LIMCH1: variants seen among roughly 807,000 people sequenced by gnomAD.
The protein encoded by LIMCH1 is LIM and calponin homology domains-containing protein 1.
Under a neutral mutation model 176.5 loss-of-function variants are expected in LIMCH1, and 113 were observed. The observed-to-expected ratio is 0.64, with a 90% CI of 0.55 to 0.75. The LOEUF (loss-of-function observed/expected upper bound fraction) is 0.75, where lower values mean the gene tolerates loss of function less well. Among genes scored for constraint, LIMCH1 ranks in the 30% least tolerant of loss-of-function variants. The pLI is 0.00. For missense variants in LIMCH1, 1,674 were observed against 1,814.9 expected (o/e 0.92, Z 1.41); for synonymous variants, 619 against 645.9 (o/e 0.96, Z 0.63).
chr4:41,400,347 A>C (rs1264750326), intron 1 of LIMCH1, among the ~76,000 whole-genome samples: 1 of 152,182 alleles, frequency 6.6e-6, no homozygotes, highest in Admixed American at 6.5e-5. Context: ...AACTTCCCAA[A>C]AACCATAAAA....
chr4:41,494,502 A>T, intron 1 of LIMCH1: 1 of 1,560,444 alleles, frequency 6.4e-7, no homozygotes, highest in Non-Finnish European at 8.8e-7. Flanking sequence ...AAAAAAGAAA[A>T]ACTTATGTGC....
At chr4:41,597,830 A>T in intron 1 of LIMCH1, among the ~76,000 whole-genome samples, 1 of 152,186 alleles carries the variant, frequency 6.6e-6, no homozygotes. Context: ...ACTTGCACTC[A>T]AGAAGAGGTG....
At chr4:41,515,550 T>C (rs1232420687) in intron 2 of LIMCH1, among the ~76,000 whole-genome samples, 1 of 152,226 alleles carries the variant, frequency 6.6e-6, no homozygotes, top group Admixed American at 6.5e-5. Context: ...ATGAAGTGTA[T>C]ATTGTACACC....
rs928099556 is a variant in LIMCH1, at chr4:41,384,399, G to A, written c.96+23463G>A. On this transcript the variant is annotated intron_variant, in intron 1 of 26. Transcript: ENST00000313860. ...TTTTTTTTTTATTTTTAGTAGAGAC[G>A]GGGTTTCACCGTATTAGCCAGGATG... Among the ~76,000 whole-genome samples the A allele has an allele frequency of 4.6e-5, 7 of 151,766 alleles. No homozygotes were observed. The South Asian group carries it at 1.0e-3, about 23-fold the overall frequency.
Position 41,360,797 on chromosome 4 carries a change from G to GGCC in LIMCH1, c.-42_-40dup, listed in dbSNP as rs1561116399. 7.0e-7 allele frequency: 1 copy of GGCC among 1,436,670 alleles called. No homozygotes were observed. The highest frequency in any genetic ancestry group is 1.3e-5 in the South Asian group (1 of 77,728). 89.0% of individuals were successfully genotyped at this position (1,436,670 alleles called of 1,614,324 possible). A position where few individuals can be genotyped will look rare whatever the true frequency, so the allele number is the denominator to read the frequency against. On this transcript the variant is annotated 5_prime_UTR_variant, in exon 1 of 27. Transcript: ENST00000313860. This position sits in a 1 kb window ranked among gnomAD's most constrained non-coding sequence, Gnocchi z 4.5. Reference sequence around the variant, plus strand: ...GCGCTCCTGCGGCGGCGACGGCGGCGGCCGTCCTCATCCCGGCGCTTGAGA... The same window carrying GGCC: ...GCGCTCCTGCGGCGGCGACGGCGGCGGCCGCCGTCCTCATCCCGGCGCTTGAGA...
chr4:41,590,557 T>C (rs182977082), intron 1 of LIMCH1, among the ~76,000 whole-genome samples: 6 of 152,266 alleles, frequency 3.9e-5, no homozygotes, highest in Non-Finnish European at 5.9e-5. Context: ...AGCAAGACAC[T>C]CAGAGGCCTC....
At chr4:41,556,058 A>C (rs1482867360) in intron 1 of LIMCH1, among the ~76,000 whole-genome samples, 3 of 152,046 alleles carry the variant, frequency 2.0e-5, no homozygotes, top group African/African-American at 7.2e-5. Context: ...AATTTTAAAT[A>C]GAGTGGTTGG....
chr4:41,375,887 T>C (rs2054694386), intron 1 of LIMCH1, among the ~76,000 whole-genome samples: 2 of 152,246 alleles, frequency 1.3e-5, no homozygotes, highest in African/African-American at 2.4e-5. Context: ...TTGCTAATTC[T>C]TGGGCAGATT....
chr4:41,636,440 C>G (rs61591201), intron 13 of LIMCH1, among the ~76,000 whole-genome samples: 4,053 of 151,232 alleles, frequency 0.027, 54 homozygotes, highest in African/African-American at 0.039. Flanking sequence ...TTATCTTCCC[C>G]TTGCCAGCAA....
chr4:41,416,663 CAAA>C (rs78666210), intron 1 of LIMCH1, among the ~76,000 whole-genome samples: 2 of 129,850 alleles, frequency 1.5e-5, no homozygotes, highest in Non-Finnish European at 3.2e-5. Flanking sequence ...ATCTCAAAAA[CAAA>C]AAAAAAAAAA....
At chr4:41,693,366 A>G (rs1302471900) in intron 31 of LIMCH1, 1 of 152,200 alleles carries the variant, frequency 6.6e-6, no homozygotes, top group Admixed American at 6.5e-5. Context: ...TTTTATAGCT[A>G]TAGATTTAGT....
intron 1 of LIMCH1, among the ~76,000 whole-genome samples, chr4:41,550,251 AT>A (rs1416602810): frequency 6.6e-6 from 1 of 151,252 alleles, no homozygotes; most frequent in Non-Finnish European, 1.5e-5. Flanking sequence ...GTGTGTATGT[AT>A]TTTTCCTATT....
chr4:41,537,423 C>T (rs116757885), upstream of LIMCH1, among the ~76,000 whole-genome samples: 1 of 152,260 alleles, frequency 6.6e-6, no homozygotes, highest in African/African-American at 2.4e-5. Context: ...GCATGAACAG[C>T]CATAACCATA....
chr4:41,452,787 G>T (rs1252568006), intron 1 of LIMCH1, among the ~76,000 whole-genome samples: 2 of 152,096 alleles, frequency 1.3e-5, no homozygotes, highest in South Asian at 2.1e-4. Context: ...TCCTTTTTTG[G>T]GGTCCTCTGT....
chr4:41,557,645 T>C (rs1298353194), intron 1 of LIMCH1, among the ~76,000 whole-genome samples: 1 of 151,826 alleles, frequency 6.6e-6, no homozygotes, highest in Non-Finnish European at 1.5e-5. Flanking sequence ...TTTTTATCAG[T>C]GAGGTGTTAA....
At chr4:41,619,466 T>C in intron 6 of LIMCH1, 26 bp downstream of exon 6, 1 of 1,602,102 alleles carries the variant, frequency 6.2e-7, no homozygotes, top group Non-Finnish European at 8.5e-7. Context: ...CGCTGCCCTC[T>C]TCCTGGCTTG....
intron 1 of LIMCH1, among the ~76,000 whole-genome samples, chr4:41,547,863 G>GTATATATATATATATA (rs573342962): frequency 3.6e-4 from 34 of 93,218 alleles, no homozygotes; most frequent in Non-Finnish European, 6.0e-4. Flanking sequence ...TTGTGTGTGT[G>GTATATATATATATATA]TATATATATA....
At chr4:41,399,930 C>T (rs996480191) in intron 1 of LIMCH1, among the ~76,000 whole-genome samples, 2 of 149,268 alleles carry the variant, frequency 1.3e-5, no homozygotes, top group Non-Finnish European at 3.0e-5. Flanking sequence ...GATTCGCCCA[C>T]CTCAGCCTCC....
chr4:41,453,229 A>G (rs1470132397), intron 1 of LIMCH1, among the ~76,000 whole-genome samples: 2 of 152,176 alleles, frequency 1.3e-5, no homozygotes, highest in Non-Finnish European at 2.9e-5. Context: ...GATACCGTAT[A>G]TATAGATACA....
Sources: gnomAD v4.1 joint callset for allele counts (sites outside exome capture counted in the v4.1 genomes callset) on GRCh38, gnomAD v4.1.1 for gene constraint, Gnocchi (gnomAD v3.1) non-coding constraint, MANE v1.5 for transcripts, NCBI Gene and HGNC (gene_info 2026-07-23, HGNC 2026-07-21) for gene names.